The following PDZD2 variants were observed in gnomAD, a reference collection of about 807,000 sequenced individuals.
PDZD2 encodes the protein PDZ domain-containing protein 2.
Under a neutral mutation model 220.7 loss-of-function variants are expected in PDZD2, and 90 were observed. The ratio of observed to expected loss-of-function variants is 0.41; its 90% confidence interval spans 0.34 to 0.49. PDZD2 has a LOEUF of 0.49. Among genes scored for constraint, PDZD2 ranks in the 20% least tolerant of loss-of-function variants. The probability of loss-of-function intolerance (pLI) is 0.28; values close to 1 mark genes in which losing one functional copy is unlikely to be tolerated. For missense variants in PDZD2, 3,174 were observed against 3,608.5 expected (o/e 0.88, Z 3.08); for synonymous variants, 1,375 against 1,450.5 (o/e 0.95, Z 1.18).
intron 1 of PDZD2, among the ~76,000 whole-genome samples, chr5:31,666,709 G>T (rs1233853468): frequency 6.6e-6 from 1 of 152,170 alleles, no homozygotes; most frequent in African/African-American, 2.4e-5. Flanking sequence ...GCCACGCGCT[G>T]GGCCTGTATA....
At position 31,852,550 on chromosome 5, in the gene PDZD2, T is replaced by A. The variant is rs145001361; in HGVS notation, c.476+52826T>A. Reference sequence around the variant, plus strand: ...ATCCAACTACCTTGGCCTCCCAAAGTGCTAGGATTACAGGCATGAGCCACC... The same window carrying A: ...ATCCAACTACCTTGGCCTCCCAAAGAGCTAGGATTACAGGCATGAGCCACC... On this transcript the variant is annotated intron_variant, in intron 2 of 24. Coordinates refer to ENST00000438447, the MANE Select transcript of PDZD2 (RefSeq NM_178140.4). Among the ~76,000 whole-genome samples, 1,250 of 152,060 alleles carry A rather than the reference T, an allele frequency of 8.2e-3. 13 individuals carry two copies. Among genetic ancestry groups the A allele is most frequent in the African/African-American group, 0.029 (1,189 of 41,498 alleles).
At chr5:31,998,533 G>GA (rs1751827950) in intron 4 of PDZD2, among the ~76,000 whole-genome samples, 1 of 152,188 alleles carries the variant, frequency 6.6e-6, no homozygotes, top group Non-Finnish European at 1.5e-5. Context: ...AAAGCCAGGG[G>GA]AGAGCCTAGA....
intron 1 of PDZD2, among the ~76,000 whole-genome samples, chr5:31,658,110 G>A (rs1268590431): frequency 6.6e-6 from 1 of 152,182 alleles, no homozygotes; most frequent in Admixed American, 6.5e-5. Flanking sequence ...GTTTGGATTG[G>A]TGCAATCGCA....
At chr5:31,748,269 C>CT (rs1307244500) in intron 1 of PDZD2, among the ~76,000 whole-genome samples, 1 of 152,212 alleles carries the variant, frequency 6.6e-6, no homozygotes, top group African/African-American at 2.4e-5. Flanking sequence ...GTTGTCACAT[C>CT]TATTTGCCAA....
intron 3 of PDZD2, among the ~76,000 whole-genome samples, chr5:31,990,196 A>G (rs1410733248): frequency 1.3e-5 from 2 of 152,182 alleles, no homozygotes; most frequent in African/African-American, 2.4e-5. Context: ...TTGCTGTTAT[A>G]AAGTTTTATT....
At chr5:32,101,695 A>G (rs1381179237) in intron 24 of PDZD2, among the ~76,000 whole-genome samples, 1 of 152,240 alleles carries the variant, frequency 6.6e-6, no homozygotes, top group Non-Finnish European at 1.5e-5. Flanking sequence ...TGTAAATGCT[A>G]GACTGCAAGA....
chr5:31,704,683 A>G (rs1049129013), intron 1 of PDZD2, among the ~76,000 whole-genome samples: 3 of 152,216 alleles, frequency 2.0e-5, no homozygotes, highest in African/African-American at 7.2e-5. Flanking sequence ...CCCATGCTAA[A>G]TGATGAATGT....
chr5:32,095,935 G>T, intron 21 of PDZD2, among the ~76,000 whole-genome samples: 1 of 149,308 alleles, frequency 6.7e-6, no homozygotes, highest in Admixed American at 6.7e-5. Flanking sequence ...AGTAGAGACG[G>T]GGTTTCACCG....
At chr5:31,655,936 GT>G (rs756701132) in intron 1 of PDZD2, among the ~76,000 whole-genome samples, 4 of 152,232 alleles carry the variant, frequency 2.6e-5, no homozygotes, top group Non-Finnish European at 4.4e-5. Flanking sequence ...TAGAAAGGAA[GT>G]TTGTGTTGTG....
chr5:31,845,408 C>A (rs907055948), intron 2 of PDZD2, among the ~76,000 whole-genome samples: 1 of 152,172 alleles, frequency 6.6e-6, no homozygotes, highest in African/African-American at 2.4e-5. Context: ...GTTCCAACAC[C>A]AAAGGAACTT....
At chr5:32,091,901 AAG>A (rs1203841810) in intron 20 of PDZD2, among the ~76,000 whole-genome samples, 1 of 152,174 alleles carries the variant, frequency 6.6e-6, no homozygotes, top group Non-Finnish European at 1.5e-5. Context: ...CATGCAGAGG[AAG>A]AGAGAGCACA....
intron 4 of PDZD2, among the ~76,000 whole-genome samples, chr5:31,999,250 T>C (rs1034053641): frequency 2.0e-5 from 3 of 149,040 alleles, no homozygotes; most frequent in Non-Finnish European, 4.4e-5. Flanking sequence ...CTTAATTGCT[T>C]TTTTTTGGGG....
Position 32,088,300 on chromosome 5 carries a change from C to G in PDZD2, c.4852C>G (p.Pro1618Ala). The stretch of plus-strand genomic sequence containing the variant: ...TCCACCCTCGAGTCCTGCTCATCTT[C>G]CCACCCAGGCTGCCATCTGTCCTGC... ...PNPPSSPAHL[P>A]TQAAICPASA... Residue 1618 changes from proline to alanine, a missense_variant, in exon 20 of 25, where the codon CCC becomes GCC. Physicochemically the swap from Pro to Ala is conservative, Grantham distance 27. This residue lies in a region of PDZD2 where 1,861 missense variants were observed against 2,001.0 expected (regional missense o/e 0.93). Transcript: ENST00000438447. This position sits in a 1 kb window ranked among gnomAD's most constrained non-coding sequence, Gnocchi z 4.6. The G allele has an allele frequency of 6.2e-7, 1 of 1,614,090 alleles. No homozygotes were observed. The highest frequency in any genetic ancestry group is 2.2e-5 in the East Asian group (1 of 44,864).
intron 2 of PDZD2, among the ~76,000 whole-genome samples, chr5:31,854,733 G>C (rs1005550737): frequency 1.3e-5 from 2 of 149,628 alleles, no homozygotes; most frequent in Admixed American, 1.3e-4. Context: ...GTCTGGATGA[G>C]AAGCCCCAAA....
intron 14 of PDZD2, among the ~76,000 whole-genome samples, chr5:32,065,979 G>A (rs1360504071): frequency 2.0e-5 from 3 of 150,762 alleles, no homozygotes; most frequent in African/African-American, 7.3e-5. Flanking sequence ...AGCCGAGATC[G>A]CACCATCACA....
At chr5:32,002,785 CCA>C (rs1224396881) in intron 5 of PDZD2, among the ~76,000 whole-genome samples, 1 of 79,946 alleles carries the variant, frequency 1.3e-5, no homozygotes, top group Admixed American at 1.5e-4. Flanking sequence ...CAACACACAA[CCA>C]CACACACCAC....
At chr5:32,064,055 G>C (rs1739956672) in intron 14 of PDZD2, among the ~76,000 whole-genome samples, 1 of 152,168 alleles carries the variant, frequency 6.6e-6, no homozygotes, top group African/African-American at 2.4e-5. Context: ...GGAAGTTGCA[G>C]ATAATCATGG....
chr5:32,030,938 A>G (rs1755067142), intron 6 of PDZD2, among the ~76,000 whole-genome samples: 1 of 151,914 alleles, frequency 6.6e-6, no homozygotes, highest in Admixed American at 6.6e-5. Flanking sequence ...TTTACTGAGG[A>G]TTTTTTTCAT....
At chr5:31,715,427 G>A (rs1422575058) in intron 1 of PDZD2, among the ~76,000 whole-genome samples, 1 of 152,100 alleles carries the variant, frequency 6.6e-6, no homozygotes, top group Non-Finnish European at 1.5e-5. Flanking sequence ...GTTTCCTTGT[G>A]CACATCCCGG....
Sources: gnomAD v4.1 joint callset for allele counts (sites outside exome capture counted in the v4.1 genomes callset) on GRCh38, gnomAD v4.1.1 for gene constraint, gnomAD v4.1.1 regional missense constraint, Gnocchi (gnomAD v3.1) non-coding constraint, MANE v1.5 for transcripts, NCBI Gene and HGNC (gene_info 2026-07-23, HGNC 2026-07-21) for gene names.